CDKAL1: variants seen among roughly 807,000 people sequenced by gnomAD.
CDKAL1 encodes the protein CDKAL1 threonylcarbamoyladenosine tRNA methylthiotransferase, also known as threonylcarbamoyladenosine tRNA methylthiotransferase.
A neutral mutation model predicts 68.2 loss-of-function variants in CDKAL1; 32 were observed. That is an observed-to-expected ratio of 0.47 (90% CI 0.35 to 0.63). The LOEUF is 0.63. Among genes scored for constraint, CDKAL1 ranks in the 30% least tolerant of loss-of-function variants. CDKAL1 has a pLI of 0.00. For synonymous variants in CDKAL1, 234 were observed against 244.3 expected (o/e 0.96, Z 0.39); for missense variants, 606 against 696.7 (o/e 0.87, Z 1.47).
intron 13 of CDKAL1, among the ~76,000 whole-genome samples, chr6:21,167,575 G>T (rs920878084): frequency 3.9e-5 from 6 of 152,158 alleles, no homozygotes; most frequent in South Asian, 2.1e-4. Flanking sequence ...ACATCAAATT[G>T]ATGGCAAGTC....
At chr6:21,178,373 G>C (rs775549372) in intron 13 of CDKAL1, among the ~76,000 whole-genome samples, 7 of 152,052 alleles carry the variant, frequency 4.6e-5, no homozygotes, top group Non-Finnish European at 8.8e-5. Flanking sequence ...CATTTATATT[G>C]TAATTCTAAT....
At chr6:21,090,312 A>G (rs1034137481) in intron 12 of CDKAL1, among the ~76,000 whole-genome samples, 2 of 152,228 alleles carry the variant, frequency 1.3e-5, no homozygotes, top group Admixed American at 6.5e-5. Flanking sequence ...TTCCTACAAT[A>G]GATGGTGTGC....
At chr6:20,799,379 AG>A (rs1229833524) in intron 8 of CDKAL1, among the ~76,000 whole-genome samples, 2 of 152,080 alleles carry the variant, frequency 1.3e-5, no homozygotes, top group African/African-American at 4.8e-5. Context: ...ACTGTTGCTA[AG>A]GGTAAATTAG....
chr6:20,853,808 A>G (rs927272327), intron 9 of CDKAL1, among the ~76,000 whole-genome samples: 4 of 152,200 alleles, frequency 2.6e-5, no homozygotes, highest in Non-Finnish European at 5.9e-5. Context: ...TTGAAGCTGT[A>G]AAATGAGCTG....
intron 9 of CDKAL1, among the ~76,000 whole-genome samples, chr6:20,937,198 C>T (rs1763762925): frequency 1.3e-5 from 2 of 152,160 alleles, no homozygotes; most frequent in South Asian, 4.1e-4. Flanking sequence ...AAGCCATCCT[C>T]CTACTTCAGC....
rs770189474 is a variant in CDKAL1, at chr6:20,546,403, C to T, written c.53C>T (p.Ser18Phe). 2 of 1,613,960 alleles carry T rather than the reference C, an allele frequency of 1.2e-6. No homozygotes were observed. Among genetic ancestry groups the T allele is most frequent in the South Asian group, 1.1e-5 (1 of 91,076 alleles). The change falls in exon 3 of 16, where the codon TCT becomes TTT. Residue 18 changes from serine (S) to phenylalanine (F), a missense_variant. Coordinates refer to ENST00000274695, the MANE Select transcript of CDKAL1 (RefSeq NM_017774.3). ...CTGGATGACATCGAAGATATCGTGT[C>T]TCAGGAAGATTCAAAACCACAAGAT... is the stretch of plus-strand genomic sequence containing the variant. ...TLLDDIEDIV[S>F]QEDSKPQDRH...
intron 9 of CDKAL1, among the ~76,000 whole-genome samples, chr6:20,920,963 C>T (rs780626549): frequency 1.4e-4 from 21 of 151,826 alleles, no homozygotes; most frequent in Non-Finnish European, 1.6e-4. Flanking sequence ...TGGTTAAAGC[C>T]CCTCTCCTAG....
chr6:20,585,002 T>C (rs964969884), intron 4 of CDKAL1, among the ~76,000 whole-genome samples: 6 of 139,654 alleles, frequency 4.3e-5, no homozygotes, highest in South Asian at 2.2e-4. Context: ...CTTTGCTGGA[T>C]CATTCCTATC....
chr6:21,160,636 G>GACAC lies in CDKAL1; in HGVS notation c.1300-37368_1300-37365dup, dbSNP rs70993208. On this transcript the variant is annotated intron_variant, in intron 13 of 15. Coordinates refer to ENST00000274695, the MANE Select transcript of CDKAL1 (RefSeq NM_017774.3). ...TTATTCACTGTAATTTTTGGACACA[G>GACAC]ACACACACACACACACACACGTGTG... is the stretch of plus-strand genomic sequence containing the variant. Among the ~76,000 whole-genome samples the GACAC allele has an allele frequency of 3.8e-3, 470 of 123,310 alleles. 3 individuals are homozygous for GACAC. The highest frequency in any genetic ancestry group is 4.4e-3 in the African/African-American group (145 of 33,280). 80.9% of individuals were successfully genotyped at this position (123,310 alleles called of 152,430 possible).
chr6:21,127,707 G>A (rs933833564), intron 13 of CDKAL1, among the ~76,000 whole-genome samples: 7 of 152,110 alleles, frequency 4.6e-5, no homozygotes, highest in Non-Finnish European at 1.0e-4. Flanking sequence ...CCTAGATTGC[G>A]CCACTGTACT....
chr6:20,911,810 A>C (rs1440488362), intron 9 of CDKAL1, among the ~76,000 whole-genome samples: 1 of 152,142 alleles, frequency 6.6e-6, no homozygotes, highest in East Asian at 1.9e-4. Flanking sequence ...TTGGATTTTC[A>C]CTGTGATATT....
chr6:20,957,466 A>C (rs571159713), intron 10 of CDKAL1, among the ~76,000 whole-genome samples: 1 of 152,344 alleles, frequency 6.6e-6, no homozygotes, highest in South Asian at 2.1e-4. Flanking sequence ...CTTTGCCTGG[A>C]AAACACCAGA....
intron 11 of CDKAL1, among the ~76,000 whole-genome samples, chr6:21,021,173 T>C (rs372940452): frequency 5.9e-5 from 9 of 152,204 alleles, no homozygotes; most frequent in African/African-American, 1.9e-4. Context: ...CTAAATCCTA[T>C]CTTTGTGGTA....
In CDKAL1 at chr6:20,658,388, A is replaced by G. The variant is rs116673557; in HGVS notation, c.371+9011A>G. Among the ~76,000 whole-genome samples, 597 of 152,322 alleles carry G rather than the reference A, an allele frequency of 3.9e-3. 2 individuals carry two copies. Among genetic ancestry groups the G allele is most frequent in the African/African-American group, 0.013 (537 of 41,568 alleles). On this transcript the variant is annotated intron_variant, in intron 5 of 15. Coordinates refer to ENST00000274695, the MANE Select transcript of CDKAL1 (RefSeq NM_017774.3). ...GGGATGGCTTAGGTATCTGAATGTA[A>G]TTACTTGAAACGACAATTGAAAATA...
chr6:20,715,094 T>C (rs1772028516), intron 5 of CDKAL1, among the ~76,000 whole-genome samples: 1 of 152,210 alleles, frequency 6.6e-6, no homozygotes, highest in Non-Finnish European at 1.5e-5. Context: ...TAGCAAAAAT[T>C]CTGAATATAA....
chr6:20,618,059 C>T (rs917448727), intron 4 of CDKAL1, among the ~76,000 whole-genome samples: 2 of 152,178 alleles, frequency 1.3e-5, no homozygotes, highest in Non-Finnish European at 2.9e-5. Context: ...TCTATTTCTC[C>T]ACATCCTCTC....
At chr6:20,656,233 A>G (rs1769019426) in intron 5 of CDKAL1, among the ~76,000 whole-genome samples, 1 of 152,232 alleles carries the variant, frequency 6.6e-6, no homozygotes, top group Non-Finnish European at 1.5e-5. Flanking sequence ...ATTGAGGCAG[A>G]TATCAAAGAG....
At chr6:20,810,367 GTCTCTCTCTC>G (rs5874785) in intron 8 of CDKAL1, among the ~76,000 whole-genome samples, 1 of 136,296 alleles carries the variant, frequency 7.3e-6, no homozygotes, top group Admixed American at 7.5e-5. Flanking sequence ...CATAGTGAGA[GTCTCTCTCTC>G]TCTCTCTCTC....
At chr6:20,538,712 C>T (rs1763273130) in intron 2 of CDKAL1, among the ~76,000 whole-genome samples, 2 of 152,196 alleles carry the variant, frequency 1.3e-5, no homozygotes, top group Admixed American at 1.3e-4. Flanking sequence ...TGGTCCTAGC[C>T]TCTCTCATTT....
Sources: allele counts gnomAD v4.1 joint callset (sites outside exome capture counted in the v4.1 genomes callset), GRCh38; gene constraint gnomAD v4.1.1; transcripts MANE v1.5; gene names NCBI Gene and HGNC (gene_info 2026-07-23, HGNC 2026-07-21).